CNTNAP2: variants seen among roughly 807,000 people sequenced by gnomAD.
CNTNAP2 encodes contactin associated protein 2, also known as contactin-associated protein-like 2.
A neutral mutation model predicts 155.2 loss-of-function variants in CNTNAP2; 98 were observed. The ratio of observed to expected loss-of-function variants is 0.63; its 90% CI spans 0.54 to 0.75. The LOEUF (loss-of-function observed/expected upper bound fraction) is 0.75, where lower values mean the gene tolerates loss of function less well. Among genes scored for constraint, CNTNAP2 ranks in the 30% least tolerant of loss-of-function variants. CNTNAP2 has a pLI of 0.00. For synonymous variants in CNTNAP2, 651 were observed against 631.2 expected, an observed-to-expected ratio of 1.03 and a Z score of -0.47; for missense variants, 1,727 against 1,688.1, an observed-to-expected ratio of 1.02 and a Z score of -0.40.
intron 3 of CNTNAP2, among the ~76,000 whole-genome samples, chr7:146,932,069 C>T (rs867105307): frequency 0.041 from 6,131 of 148,460 alleles, 139 homozygotes; most frequent in Middle Eastern, 0.092. Flanking sequence ...AAGAGGGAAT[C>T]CTCCCTAACT....
chr7:148,287,176 C>T (rs534097200), intron 21 of CNTNAP2, among the ~76,000 whole-genome samples: 1 of 152,290 alleles, frequency 6.6e-6, no homozygotes, highest in Non-Finnish European at 1.5e-5. Flanking sequence ...TGGAATCATA[C>T]AATATGTACC....
At chr7:148,348,578 C>A (rs1036665400) in intron 21 of CNTNAP2, among the ~76,000 whole-genome samples, 12 of 152,114 alleles carry the variant, frequency 7.9e-5, no homozygotes, top group Non-Finnish European at 1.6e-4. Flanking sequence ...GTGGGCACAG[C>A]CAGCTCTTGA....
chr7:146,374,814 T>G (rs1430745762), intron 1 of CNTNAP2, among the ~76,000 whole-genome samples: 1 of 152,216 alleles, frequency 6.6e-6, no homozygotes, highest in African/African-American at 2.4e-5. Context: ...TTTAAGCGTC[T>G]TTTCAACAAT....
intron 8 of CNTNAP2, among the ~76,000 whole-genome samples, chr7:147,271,320 C>T (rs988956459): frequency 3.3e-5 from 5 of 152,096 alleles, no homozygotes; most frequent in Admixed American, 6.5e-5. Context: ...TAAATTCAAG[C>T]AACCTCTAAA....
At chr7:147,824,405 G>A (rs1202462186) in intron 13 of CNTNAP2, among the ~76,000 whole-genome samples, 1 of 152,142 alleles carries the variant, frequency 6.6e-6, no homozygotes, top group African/African-American at 2.4e-5. Context: ...CAAGTCCACG[G>A]TAGAGTTGTG....
chr7:146,318,945 T>C (rs904238325), intron 1 of CNTNAP2, among the ~76,000 whole-genome samples: 1 of 152,134 alleles, frequency 6.6e-6, no homozygotes, highest in South Asian at 2.1e-4. Context: ...GCCAAAACAG[T>C]CCTTGGAGAC....
chr7:146,357,363 A>G (rs1419778805), intron 1 of CNTNAP2, among the ~76,000 whole-genome samples: 1 of 152,106 alleles, frequency 6.6e-6, no homozygotes, highest in Non-Finnish European at 1.5e-5. Flanking sequence ...ATAATGTCTG[A>G]TAGGATTAAA....
At chr7:147,999,096 T>A (rs1335773078) in intron 15 of CNTNAP2, among the ~76,000 whole-genome samples, 1 of 152,180 alleles carries the variant, frequency 6.6e-6, no homozygotes, top group Non-Finnish European at 1.5e-5. Flanking sequence ...GAAGTCTTTT[T>A]TTTTGAGACA....
chr7:146,652,238 C>T (rs1332495376), intron 1 of CNTNAP2, among the ~76,000 whole-genome samples: 3 of 151,970 alleles, frequency 2.0e-5, no homozygotes, highest in Non-Finnish European at 2.9e-5. Context: ...CTGGTAATGC[C>T]TTCCTACTGT....
intron 2 of CNTNAP2, among the ~76,000 whole-genome samples, chr7:146,834,614 G>A (rs1803580951): frequency 6.6e-6 from 1 of 152,170 alleles, no homozygotes; most frequent in African/African-American, 2.4e-5. Context: ...TCCATAACAA[G>A]TATACATCTT....
chr7:147,520,374 T>G (rs1799210834), intron 11 of CNTNAP2, among the ~76,000 whole-genome samples: 1 of 152,224 alleles, frequency 6.6e-6, no homozygotes, highest in Non-Finnish European at 1.5e-5. Flanking sequence ...GTTCCTACTT[T>G]ACATAATTTT....
intron 1 of CNTNAP2, among the ~76,000 whole-genome samples, chr7:146,601,297 T>C (rs1798945816): frequency 1.3e-5 from 2 of 152,154 alleles, no homozygotes; most frequent in South Asian, 4.1e-4. Flanking sequence ...TGAAAAAGTA[T>C]AGTAAGAAAT....
At chr7:147,724,736 C>T (rs572937537) in intron 13 of CNTNAP2, among the ~76,000 whole-genome samples, 1 of 152,000 alleles carries the variant, frequency 6.6e-6, no homozygotes, top group South Asian at 2.1e-4. Flanking sequence ...ACTGCGGAAG[C>T]TAGAATTCAG....
intron 1 of CNTNAP2, among the ~76,000 whole-genome samples, chr7:146,534,618 G>T (rs1797819192): frequency 6.6e-6 from 1 of 151,864 alleles, no homozygotes; most frequent in African/African-American, 2.4e-5. Flanking sequence ...AATCTTTCTT[G>T]GCCACTGAGA....
intron 1 of CNTNAP2, among the ~76,000 whole-genome samples, chr7:146,216,414 T>C (rs1489113315): frequency 1.3e-5 from 2 of 152,348 alleles, no homozygotes; most frequent in East Asian, 3.9e-4. Flanking sequence ...AGTGGTTTTA[T>C]ATTTGATGGA....
At chr7:146,412,692 G>C (rs1472765556) in intron 1 of CNTNAP2, among the ~76,000 whole-genome samples, 3 of 152,164 alleles carry the variant, frequency 2.0e-5, no homozygotes, top group African/African-American at 7.2e-5. Context: ...ATGAGGCGGA[G>C]CTGTAAGTCG....
At chr7:147,609,283 G>A (rs1401561083) in intron 12 of CNTNAP2, among the ~76,000 whole-genome samples, 1 of 152,170 alleles carries the variant, frequency 6.6e-6, no homozygotes, top group Non-Finnish European at 1.5e-5. Context: ...TGTAATCCCA[G>A]CACTTTGGGA....
intron 4 of CNTNAP2, among the ~76,000 whole-genome samples, chr7:147,047,418 G>A (rs546441817): frequency 2.6e-5 from 4 of 151,634 alleles, no homozygotes; most frequent in South Asian, 4.2e-4. Flanking sequence ...TTGGTCATAC[G>A]TATACCTTTT....
intron 13 of CNTNAP2, among the ~76,000 whole-genome samples, chr7:147,817,408 G>A (rs1007361053): frequency 3.5e-4 from 53 of 152,168 alleles, no homozygotes; most frequent in Non-Finnish European, 6.2e-4. Flanking sequence ...TGCTTTTAGA[G>A]ATGGATACTG....
Sources: allele counts gnomAD v4.1 joint callset (sites outside exome capture counted in the v4.1 genomes callset), GRCh38; gene constraint gnomAD v4.1.1; transcripts MANE v1.5; gene names NCBI Gene and HGNC (gene_info 2026-07-23, HGNC 2026-07-21).